SLC39A11: variants seen among roughly 807,000 people sequenced by gnomAD.
SLC39A11 encodes zinc transporter ZIP11.
SLC39A11 carries 33 observed loss-of-function variants against 36.1 expected under a neutral mutation model. That is an observed-to-expected ratio of 0.91 (90% CI 0.69 to 1.22). The LOEUF (loss-of-function observed/expected upper bound fraction) is 1.22, where lower values mean the gene tolerates loss of function less well. Among genes scored for constraint, SLC39A11 ranks in the 50% most tolerant of loss-of-function variants. SLC39A11 has a pLI of 0.00. For missense variants in SLC39A11, 432 were observed against 430.3 expected, an observed-to-expected ratio of 1.00 and a Z score of -0.03; for synonymous variants, 166 against 170.3, an observed-to-expected ratio of 0.97 and a Z score of 0.20.
At chr17:72,862,291 G>A (rs2080080996) in intron 5 of SLC39A11, among the ~76,000 whole-genome samples, 1 of 152,210 alleles carries the variant, frequency 6.6e-6, no homozygotes, top group Admixed American at 6.5e-5. Flanking sequence ...GACAAAGGCT[G>A]ACCTGAGGTT....
Position 72,849,736 on chromosome 17 carries a change from C to T in SLC39A11, c.499G>A (p.Ala167Thr), listed in dbSNP as rs1412065927. 3.7e-6 allele frequency: 6 copies of T among 1,610,160 alleles called. No homozygotes were observed. In the East Asian group the frequency reaches 1.1e-4, roughly 30 times the overall value. The change falls in exon 6 of 10, where the codon GCT (alanine) becomes ACT (threonine). Residue 167 changes from alanine to threonine, a missense_variant. Physicochemically the swap from Ala to Thr is moderately conservative, Grantham distance 58 (BLOSUM62 0). Transcript: ENST00000255559. ...TTCCCTCGAGAAGGCACAGGGACAG[C>T]AGGACCCTCTGGAAGGCCAGTGGCT... ...AAATGLPEGP[A>T]VPVPSRGNLA...
At chr17:72,694,427 G>A (rs1374317711) in intron 7 of SLC39A11, among the ~76,000 whole-genome samples, 1 of 152,212 alleles carries the variant, frequency 6.6e-6, no homozygotes, top group Non-Finnish European at 1.5e-5. Flanking sequence ...CTGTTTCAGA[G>A]ACTTTGGAAG....
chr17:72,665,398 T>TTGTTG (rs1555631662), intron 7 of SLC39A11, among the ~76,000 whole-genome samples: 2 of 130,174 alleles, frequency 1.5e-5, no homozygotes, highest in Non-Finnish European at 3.3e-5. Context: ...TGTTTTTTTT[T>TTGTTG]TTTTTTTTTT....
At chr17:72,726,763 G>GA (rs2073950013) in intron 7 of SLC39A11, among the ~76,000 whole-genome samples, 2 of 152,174 alleles carry the variant, frequency 1.3e-5, no homozygotes. Flanking sequence ...TAAGCCAGGG[G>GA]AAAGGATTTA....
At chr17:72,959,325 G>GTGTGTATATA (rs1436484912) in intron 4 of SLC39A11, among the ~76,000 whole-genome samples, 123 of 65,494 alleles carry the variant, frequency 1.9e-3, no homozygotes, top group African/African-American at 8.0e-3. Flanking sequence ...GTGTGTGTGT[G>GTGTGTATATA]TATATATATA....
intron 7 of SLC39A11, among the ~76,000 whole-genome samples, chr17:72,676,454 T>C (rs980248898): frequency 6.6e-6 from 1 of 152,076 alleles, no homozygotes; most frequent in African/African-American, 2.4e-5. Context: ...GGGAAGTAGA[T>C]GAAATTAGCA....
chr17:72,739,326 C>T (rs530274982), intron 6 of SLC39A11, among the ~76,000 whole-genome samples: 41 of 152,154 alleles, frequency 2.7e-4, no homozygotes, highest in African/African-American at 8.7e-4. Flanking sequence ...AGGATTTTAC[C>T]GTGTTGGCCG....
chr17:73,064,309 G>C (rs1304997385), intron 3 of SLC39A11, among the ~76,000 whole-genome samples: 1 of 151,368 alleles, frequency 6.6e-6, no homozygotes, highest in Non-Finnish European at 1.5e-5. Flanking sequence ...GCAAAGATCA[G>C]CTTCCACCAA....
intron 6 of SLC39A11, among the ~76,000 whole-genome samples, chr17:72,806,201 C>T (rs771159931): frequency 1.1e-4 from 16 of 152,114 alleles, no homozygotes; most frequent in Non-Finnish European, 1.9e-4. Context: ...TTATCCTGGC[C>T]GCCCCCTCAG....
intron 5 of SLC39A11, among the ~76,000 whole-genome samples, chr17:72,860,281 A>G (rs930367002): frequency 2.0e-5 from 3 of 152,156 alleles, no homozygotes; most frequent in Non-Finnish European, 4.4e-5. Flanking sequence ...TGATTCAGAC[A>G]TGGGATCCAC....
chr17:72,731,789 C>T (rs113739903), intron 7 of SLC39A11, among the ~76,000 whole-genome samples: 2,134 of 150,212 alleles, frequency 0.014, 43 homozygotes, highest in African/African-American at 0.049. Context: ...TGCAATGGCG[C>T]GATCTTGGCA....
At chr17:73,070,987 C>T (rs2060146052) in intron 3 of SLC39A11, among the ~76,000 whole-genome samples, 1 of 152,122 alleles carries the variant, frequency 6.6e-6, no homozygotes, top group African/African-American at 2.4e-5. Context: ...TTACTGGTGC[C>T]TTATCCTAGG....
intron 6 of SLC39A11, among the ~76,000 whole-genome samples, chr17:72,738,724 T>G (rs1382896273): frequency 2.6e-5 from 4 of 152,130 alleles, no homozygotes; most frequent in African/African-American, 9.7e-5. Flanking sequence ...GCCAAGGGCT[T>G]TGGGGGTCAA....
intron 9 of SLC39A11, among the ~76,000 whole-genome samples, chr17:72,648,344 AAAAG>A (rs1349670576): frequency 8.7e-6 from 1 of 115,184 alleles, no homozygotes; most frequent in Non-Finnish European, 2.0e-5. Flanking sequence ...AAAAAAAAAA[AAAAG>A]AAAAACAAAA....
intron 5 of SLC39A11, among the ~76,000 whole-genome samples, chr17:72,902,036 C>G (rs2082412571): frequency 6.6e-6 from 1 of 152,120 alleles, no homozygotes; most frequent in Non-Finnish European, 1.5e-5. Context: ...CTTTGAAAGG[C>G]CGAGGCGGGT....
chr17:73,019,231 T>G (rs1286594180), intron 4 of SLC39A11, among the ~76,000 whole-genome samples: 1 of 152,122 alleles, frequency 6.6e-6, no homozygotes, highest in African/African-American at 2.4e-5. Flanking sequence ...AAAATATGGG[T>G]CTACTGAGGA....
intron 6 of SLC39A11, among the ~76,000 whole-genome samples, chr17:72,767,345 C>A (rs1170867534): frequency 6.6e-6 from 1 of 152,170 alleles, no homozygotes; most frequent in Non-Finnish European, 1.5e-5. Context: ...CCCAGAAGTT[C>A]CAGGGAGCTG....
At chr17:73,018,706 T>A (rs2058248781) in intron 4 of SLC39A11, among the ~76,000 whole-genome samples, 2 of 152,068 alleles carry the variant, frequency 1.3e-5, no homozygotes, top group South Asian at 4.2e-4. Flanking sequence ...ATTAACTGCC[T>A]GCCATGACAA....
At chr17:72,848,113 A>G (rs2079134046) in intron 6 of SLC39A11, among the ~76,000 whole-genome samples, 1 of 152,216 alleles carries the variant, frequency 6.6e-6, no homozygotes, top group South Asian at 2.1e-4. Flanking sequence ...CTGTACTGAA[A>G]GCTGTATGTA....
Sources: gnomAD v4.1 joint callset for allele counts (sites outside exome capture counted in the v4.1 genomes callset) on GRCh38, gnomAD v4.1.1 for gene constraint, MANE v1.5 for transcripts, NCBI Gene and HGNC (gene_info 2026-07-23, HGNC 2026-07-21) for gene names.